VLDLR: variants seen among roughly 807,000 people sequenced by gnomAD.
VLDLR encodes very low-density lipoprotein receptor.
In VLDLR, 81 loss-of-function variants were observed where a neutral mutation model predicts 112.7. That is an observed-to-expected ratio of 0.72 (90% CI 0.60 to 0.86). The LOEUF (loss-of-function observed/expected upper bound fraction) is 0.86. Ranked by LOEUF, VLDLR falls within the 40% of genes least tolerant of loss-of-function variation. The pLI is 0.00. For missense variants in VLDLR, 1,237 were observed against 1,099.4 expected (o/e 1.13, Z -1.77); for synonymous variants, 436 against 384.8 (o/e 1.13, Z -1.56).
At chr9:2,627,722 G>A (rs961465265) in intron 1 of VLDLR, among the ~76,000 whole-genome samples, 2 of 152,000 alleles carry the variant, frequency 1.3e-5, no homozygotes, top group African/African-American at 4.8e-5. Flanking sequence ...AAAATTAGCT[G>A]GGTGTGGTGG....
rs779433947 is a variant in VLDLR, at chr9:2,643,629, C to G, written c.822C>G (p.Pro274=). The G allele has an allele frequency of 1.2e-6, 2 of 1,614,164 alleles. No individual in the cohort carries two copies. The highest frequency in any genetic ancestry group is 3.3e-5 in the Admixed American group (2 of 60,016). The stretch of plus-strand genomic sequence containing the variant: ...CCATGGTGTTTCCTCCCTTTGTAGC[C>G]TCTCGAACTTGCCGACCTGACCAAT... ...CKDGSDEVNC[P]SRTCRPDQFE... The change falls in exon 6 of 19, where the codon CCC becomes CCG. Residue 274 remains proline (P), a splice_region_variant and synonymous_variant. Transcript: ENST00000382100.
chr9:2,622,532 C>G (rs968381062), intron 1 of VLDLR, among the ~76,000 whole-genome samples: 2 of 152,238 alleles, frequency 1.3e-5, no homozygotes, highest in African/African-American at 4.8e-5. Context: ...TCCGCCTCCC[C>G]CAGAGCCGCT....
intron 18 of VLDLR, among the ~76,000 whole-genome samples, chr9:2,653,422 C>T (rs11791537): frequency 6.6e-6 from 1 of 152,118 alleles, no homozygotes; most frequent in African/African-American, 2.4e-5. Flanking sequence ...GCAATAGTCA[C>T]TCACTTGTTC....
chr9:2,627,991 G>C (rs1400065582), intron 1 of VLDLR, among the ~76,000 whole-genome samples: 1 of 152,072 alleles, frequency 6.6e-6, no homozygotes, highest in Non-Finnish European at 1.5e-5. Flanking sequence ...AGTCACACTT[G>C]GTTTCAAGTT....
chr9:2,652,236 C>T (rs780910686), intron 17 of VLDLR, among the ~76,000 whole-genome samples: 1 of 152,172 alleles, frequency 6.6e-6, no homozygotes, highest in Admixed American at 6.5e-5. Context: ...TATAATAAGT[C>T]TCTTTAACTA....
rs1426287402 is a variant in VLDLR at position 2,641,415 on chromosome 9, G to A, written c.364G>A (p.Ala122Thr). 2.5e-6 allele frequency: 4 copies of A among 1,614,198 alleles called. No homozygotes were observed. Among genetic ancestry groups the A allele is most frequent in the Non-Finnish European group, 2.5e-6 (3 of 1,180,042 alleles). The part of the protein sequence containing the change: ...TCRIHEISCG[A>T]HSTQCIPVSW... ...CCGCATACATGAAATCAGCTGTGGC[G>A]CCCATTCTACTCAGTGTATCCCAGT... Residue 122 changes from alanine (A) to threonine (T), a missense_variant, in exon 4 of 19, where the codon GCC becomes ACC. Physicochemically the swap from Ala to Thr is moderately conservative, Grantham distance 58. Transcript: ENST00000382100.
rs200605669 is a variant in VLDLR at position 2,645,574 on chromosome 9, G to T, written c.1313G>T (p.Gly438Val). Residue 438 changes from glycine to valine, a missense_variant and splice_region_variant, in exon 10 of 19, where the codon GGC (glycine) becomes GTC (valine). Gly to Val is a moderately radical substitution (Grantham distance 109). Coordinates refer to ENST00000382100, the MANE Select transcript of VLDLR (RefSeq NM_003383.5). ...DLATGVCKAVGKEPSLIFTNR... is the reference protein window; with the variant it reads ...DLATGVCKAVVKEPSLIFTNR... ...AGTAACCCAGACTTCCATCTTGCAG[G>T]CAAAGAGCCAAGTCTGATCTTCACT... 2 of 1,614,200 alleles carry T rather than the reference G, an allele frequency of 1.2e-6. No homozygotes were observed. The highest frequency in any genetic ancestry group is 3.3e-5 in the Admixed American group (2 of 60,028).
Position 2,659,258 on chromosome 9 carries a change from G to C in VLDLR, c.*5390G>C, listed in dbSNP as rs1417365825. On this transcript the variant is annotated 3_prime_UTR_variant, in exon 19 of 19. Coordinates refer to ENST00000382100, the MANE Select transcript of VLDLR (RefSeq NM_003383.5). The stretch of plus-strand genomic sequence containing the variant: ...CTTACTGCCGTCTTCTCTTAGAAGG[G>C]GATGCAGTACTGTACAAAGATTGAG... 2.0e-5 allele frequency: 3 copies of C among 152,172 alleles called. No individual in the cohort carries two copies. The highest frequency in any genetic ancestry group is 4.4e-5 in the Non-Finnish European group (3 of 68,040). The allele number at this position is 152,172 out of a possible 1,614,324, so 9.4% of individuals were successfully genotyped here.
intron 10 of VLDLR, 132 bp from the exon 11 acceptor site, chr9:2,646,202 G>T: frequency 1.2e-6 from 1 of 801,730 alleles, no homozygotes; most frequent in South Asian, 1.5e-5. Context: ...TAAATAATTT[G>T]AGTGGTGAGC....
chr9:2,633,047 A>AGTGTGT (rs780332222), intron 1 of VLDLR, among the ~76,000 whole-genome samples: 3,969 of 94,966 alleles, frequency 0.042, 58 homozygotes, highest in African/African-American at 0.077. Flanking sequence ...AGAGAGAGAG[A>AGTGTGT]GAGAGTGTGT....
intron 1 of VLDLR, among the ~76,000 whole-genome samples, chr9:2,631,610 T>C (rs1817354453): frequency 6.6e-6 from 1 of 152,124 alleles, no homozygotes; most frequent in Non-Finnish European, 1.5e-5. Context: ...GAAGCTTAAA[T>C]ATTTCATTCC....
rs998544604 is a variant in VLDLR, at chr9:2,655,070, T to C, written c.*1202T>C. ...CCCAGACCTACTGAATCAGAAACTC[T>C]GGGGGCGAGGGCTGAAACCTGCTTT... On this transcript the variant is annotated 3_prime_UTR_variant, in exon 19 of 19. Coordinates refer to ENST00000382100, the MANE Select transcript of VLDLR (RefSeq NM_003383.5). 2 of 152,208 alleles carry C rather than the reference T, an allele frequency of 1.3e-5. No individual in the cohort carries two copies. The highest frequency in any genetic ancestry group is 4.8e-5 in the African/African-American group (2 of 41,440). 9.4% of individuals were successfully genotyped at this position (152,208 alleles called of 1,614,324 possible).
In VLDLR at chr9:2,643,874, A is replaced by G; in HGVS notation, c.981A>G (p.Arg327=). 6.2e-7 allele frequency: 1 copy of G among 1,614,130 alleles called. No homozygotes were observed. The highest frequency in any genetic ancestry group is 1.3e-5 in the African/African-American group (1 of 75,026). ...QCLGPGKFKC[R]SGECIDISKV... ...TGGGCCCTGGAAAATTCAAGTGCAG[A>G]AGTGGAGAATGCATAGATATCAGCA... Residue 327 remains arginine, a synonymous_variant, in exon 7 of 19, where the codon AGA becomes AGG. Coordinates refer to ENST00000382100, the MANE Select transcript of VLDLR (RefSeq NM_003383.5).
intron 1 of VLDLR, among the ~76,000 whole-genome samples, chr9:2,629,651 T>C (rs1056073628): frequency 3.3e-5 from 5 of 152,258 alleles, no homozygotes; most frequent in African/African-American, 1.2e-4. Flanking sequence ...ATTATGTCCA[T>C]GATTCTTAAG....
rs71329437 is a variant in VLDLR, at chr9:2,622,146, ACGG to A, written c.-21_-19del. Reference sequence around the variant, plus strand: ...ACTGGTAACTTGTCGTGCGGAGCGAACGGCGGCGGCGGCGGCGGCGGCGGCACC... The same window carrying A: ...ACTGGTAACTTGTCGTGCGGAGCGAACGGCGGCGGCGGCGGCGGCGGCACC... On this transcript the variant is annotated 5_prime_UTR_variant, in exon 1 of 19. Coordinates refer to ENST00000382100, the MANE Select transcript of VLDLR (RefSeq NM_003383.5). 2.6e-3 allele frequency: 3,622 copies of A among 1,374,274 alleles called. 2 individuals are homozygous for A. The highest frequency in any genetic ancestry group is 5.3e-3 in the Middle Eastern group (28 of 5,298). The allele number at this position is 1,374,274 out of a possible 1,614,324, so 85.1% of individuals were successfully genotyped here.
At chr9:2,631,594 T>G in intron 1 of VLDLR, among the ~76,000 whole-genome samples, 1 of 152,048 alleles carries the variant, frequency 6.6e-6, no homozygotes, top group South Asian at 2.1e-4. Context: ...TTCTCAATCG[T>G]ATGTGGAAGC....
chr9:2,639,987 T>A lies in VLDLR; in HGVS notation c.325+6T>A. On this transcript the variant is annotated splice_donor_region_variant and intron_variant, in intron 3 of 18. Coordinates refer to ENST00000382100, the MANE Select transcript of VLDLR (RefSeq NM_003383.5). ...TGAAAGCCCAGAACAGTGCCGTGAG[T>A]GTAACTTGCTTTGGCCTTGAACTTT... 1 of 1,614,160 alleles carries A rather than the reference T, an allele frequency of 6.2e-7. No individual in the cohort carries two copies.
intron 1 of VLDLR, among the ~76,000 whole-genome samples, chr9:2,634,210 G>C (rs1817497288): frequency 6.6e-6 from 1 of 152,170 alleles, no homozygotes; most frequent in Non-Finnish European, 1.5e-5. Flanking sequence ...CTCCCAGACA[G>C]CAGGGAGTAG....
At position 2,644,786 on chromosome 9, in the gene VLDLR, C is replaced by T; in HGVS notation, c.1119C>T (p.Asp373=). ...NNGGCSHICK[D]LVIGYECDCA... ...GTGGATGTTCTCATATCTGCAAAGA[C>T]CTAGTTATAGGCTACGAGTGTGACT... is the stretch of plus-strand genomic sequence containing the variant. Residue 373 remains aspartate (D), a synonymous_variant, in exon 8 of 19, where the codon GAC becomes GAT. Coordinates refer to ENST00000382100, the MANE Select transcript of VLDLR (RefSeq NM_003383.5). 3 of 1,614,138 alleles carry T rather than the reference C, an allele frequency of 1.9e-6. No homozygotes were observed. The African/African-American group carries it at 4.0e-5, about 22-fold the overall frequency.
Sources: gnomAD v4.1 joint callset for allele counts (sites outside exome capture counted in the v4.1 genomes callset) on GRCh38, gnomAD v4.1.1 for gene constraint, MANE v1.5 for transcripts, NCBI Gene and HGNC (gene_info 2026-07-23, HGNC 2026-07-21) for gene names.